The following PRELID3A variants were observed in gnomAD, a reference collection of about 807,000 sequenced individuals.
PRELID3A encodes the protein PRELI domain containing 3A.
PRELID3A carries 27 observed loss-of-function variants against 23.0 expected under a neutral mutation model. The ratio of observed to expected loss-of-function variants is 1.17; its 90% CI spans 0.87 to 1.62. PRELID3A has a LOEUF of 1.62. PRELID3A is among the 40% of genes most tolerant of loss of function. PRELID3A has a pLI of 0.00. For missense variants in PRELID3A, 231 were observed against 231.4 expected, an observed-to-expected ratio of 1.00 and a Z score of 0.01; for synonymous variants, 87 against 86.4, an observed-to-expected ratio of 1.01 and a Z score of -0.04.
At chr18:12,423,550 G>C (rs2030261008) in intron 3 of PRELID3A, among the ~76,000 whole-genome samples, 1 of 152,218 alleles carries the variant, frequency 6.6e-6, no homozygotes, top group Non-Finnish European at 1.5e-5. Context: ...GGGCAGGTGT[G>C]AGAAGAGAGA....
Position 12,431,284 on chromosome 18 carries a change from AC to A in PRELID3A, c.*172del. The A allele has an allele frequency of 6.6e-6, 1 of 152,210 alleles. No homozygotes were observed. The highest frequency in any genetic ancestry group is 1.5e-5 in the Non-Finnish European group (1 of 68,068). The allele number at this position is 152,210 out of a possible 1,614,324, so 9.4% of individuals were successfully genotyped here. On this transcript the variant is annotated 3_prime_UTR_variant, in exon 7 of 7. Coordinates refer to ENST00000440960, the MANE Select transcript of PRELID3A (RefSeq NM_001142405.2). ...CTGGACTGATCGCGGGTCGCAGGTG[AC>A]CCCGGGACCAGATGTCCCTCCCCTC...
intron 5 of PRELID3A, 94 bp from the exon 6 acceptor site, chr18:12,429,256 T>C (rs1378082488): frequency 4.8e-6 from 5 of 1,032,412 alleles, no homozygotes; most frequent in Non-Finnish European, 7.6e-6. Flanking sequence ...CTGCAGCGCT[T>C]GCCTTCTGCA....
intron 1 of PRELID3A, among the ~76,000 whole-genome samples, chr18:12,414,022 G>A (rs1385374089): frequency 6.6e-6 from 1 of 152,162 alleles, no homozygotes; most frequent in South Asian, 2.1e-4. Context: ...AAGTTTATCT[G>A]TTTATTGTTC....
At chr18:12,430,834 G>C (rs1017393685) in intron 6 of PRELID3A, among the ~76,000 whole-genome samples, 1 of 148,870 alleles carries the variant, frequency 6.7e-6, no homozygotes, top group African/African-American at 2.5e-5. Flanking sequence ...TATGTGTGTG[G>C]TATGGGTGCA....
In PRELID3A at chr18:12,429,421, C is replaced by T. The variant is rs1271510540; in HGVS notation, c.*18C>T. On this transcript the variant is annotated 3_prime_UTR_variant, in exon 6 of 7. Transcript: ENST00000440960. ...TGAGCTAAGGAGGCCTGTGCCTGTGCTTGTCATAAATGGTGGTGAGTACAG... is the reference window on the plus strand; with the variant it reads ...TGAGCTAAGGAGGCCTGTGCCTGTGTTTGTCATAAATGGTGGTGAGTACAG... 3 of 1,611,566 alleles carry T rather than the reference C, an allele frequency of 1.9e-6. No individual in the cohort carries two copies. Among genetic ancestry groups the T allele is most frequent in the Middle Eastern group, 1.8e-4 (1 of 5,704 alleles).
intron 1 of PRELID3A, among the ~76,000 whole-genome samples, chr18:12,417,441 T>G (rs1216683631): frequency 6.6e-6 from 1 of 152,202 alleles, no homozygotes; most frequent in Non-Finnish European, 1.5e-5. Flanking sequence ...CCCACAGTGC[T>G]GGGATTACAG....
chr18:12,426,366 A>G (rs1392933718), intron 3 of PRELID3A, among the ~76,000 whole-genome samples: 1 of 150,944 alleles, frequency 6.6e-6, no homozygotes, highest in African/African-American at 2.4e-5. Flanking sequence ...CATCCTGGCT[A>G]ACACGGTGAA....
intron 1 of PRELID3A, among the ~76,000 whole-genome samples, chr18:12,413,118 T>C (rs575441): frequency 0.64 from 97,628 of 152,056 alleles, 31,972 homozygotes; most frequent in East Asian, 0.89. Context: ...TTCTTTCCTG[T>C]TATGACAAAA....
At chr18:12,411,975 G>C (rs1380990022) in intron 1 of PRELID3A, among the ~76,000 whole-genome samples, 3 of 149,352 alleles carry the variant, frequency 2.0e-5, no homozygotes, top group African/African-American at 7.4e-5. Context: ...CAGGGGCGCA[G>C]TCTCGGCTCA....
At chr18:12,414,176 T>C (rs895650853) in intron 1 of PRELID3A, among the ~76,000 whole-genome samples, 6 of 150,618 alleles carry the variant, frequency 4.0e-5, no homozygotes, top group African/African-American at 1.2e-4. Flanking sequence ...GCAGAGGGGC[T>C]TCTGGTGCAC....
intron 1 of PRELID3A, among the ~76,000 whole-genome samples, chr18:12,411,739 A>G (rs922150017): frequency 6.6e-6 from 1 of 152,130 alleles, no homozygotes; most frequent in African/African-American, 2.4e-5. Context: ...TGAACATTAC[A>G]GATGAGTTGA....
intron 3 of PRELID3A, among the ~76,000 whole-genome samples, chr18:12,422,550 G>A (rs1380500728): frequency 6.6e-6 from 1 of 151,932 alleles, no homozygotes. Context: ...GTAAACAGGA[G>A]GTTTCACCAT....
At chr18:12,417,288 C>T (rs1394936107) in intron 1 of PRELID3A, among the ~76,000 whole-genome samples, 1 of 152,144 alleles carries the variant, frequency 6.6e-6, no homozygotes, top group Non-Finnish European at 1.5e-5. Flanking sequence ...ATTCTTCTGC[C>T]TCAGTCTCCC....
At chr18:12,409,391 T>C (rs989895436) in intron 1 of PRELID3A, among the ~76,000 whole-genome samples, 2 of 152,062 alleles carry the variant, frequency 1.3e-5, no homozygotes, top group Non-Finnish European at 2.9e-5. Context: ...GGTCTCGAGC[T>C]CCTGACCTCA....
chr18:12,418,644 T>G (rs190801582), intron 1 of PRELID3A, among the ~76,000 whole-genome samples: 1 of 152,370 alleles, frequency 6.6e-6, no homozygotes, highest in East Asian at 1.9e-4. Flanking sequence ...TGTTTGTCCT[T>G]GCAGGAGGCT....
intron 1 of PRELID3A, among the ~76,000 whole-genome samples, chr18:12,416,746 C>T (rs969294102): frequency 2.8e-4 from 42 of 151,418 alleles, no homozygotes; most frequent in African/African-American, 9.2e-4. Flanking sequence ...CCCGGGTTCA[C>T]GCCATTCTCC....
intron 1 of PRELID3A, among the ~76,000 whole-genome samples, chr18:12,411,883 C>T (rs538511302): frequency 7.7e-4 from 117 of 151,936 alleles, no homozygotes; most frequent in Admixed American, 2.9e-3. Context: ...TCTGTGTATA[C>T]GCATGTGTCA....
At chr18:12,423,528 G>T (rs998580251) in intron 3 of PRELID3A, among the ~76,000 whole-genome samples, 1 of 152,220 alleles carries the variant, frequency 6.6e-6, no homozygotes, top group African/African-American at 2.4e-5. Context: ...AGGCTGAATG[G>T]TGGCCCATGA....
At chr18:12,429,274 C>T (rs2030482476) in intron 5 of PRELID3A, 76 bp from the exon 6 acceptor site, 2 of 1,278,182 alleles carry the variant, frequency 1.6e-6, no homozygotes, top group Admixed American at 1.7e-5. Context: ...GCAGTTTAGC[C>T]TGTGGACTTG....
Sources: allele counts gnomAD v4.1 joint callset (sites outside exome capture counted in the v4.1 genomes callset), GRCh38; gene constraint gnomAD v4.1.1; transcripts MANE v1.5; gene names NCBI Gene and HGNC (gene_info 2026-07-23, HGNC 2026-07-21).